Variants in DOCK10 observed in about 807,000 individuals in gnomAD.
DOCK10 encodes the protein dedicator of cytokinesis protein 10.
In DOCK10, 145 loss-of-function variants were observed where a neutral mutation model predicts 280.1. The observed-to-expected ratio is 0.52, with a 90% CI of 0.45 to 0.59. The LOEUF (loss-of-function observed/expected upper bound fraction) is 0.59. DOCK10 is among the 20% of genes least tolerant of loss of function. The probability of loss-of-function intolerance (pLI) is 0.00; values close to 1 mark genes in which losing one functional copy is unlikely to be tolerated. For missense variants in DOCK10, 2,368 were observed against 2,651.7 expected (o/e 0.89, Z 2.35); for synonymous variants, 915 against 942.2 (o/e 0.97, Z 0.53).
chr2:224,940,009 C>G (rs1702932658), intron 1 of DOCK10, among the ~76,000 whole-genome samples: 1 of 152,112 alleles, frequency 6.6e-6, no homozygotes, highest in Admixed American at 6.6e-5. Flanking sequence ...TTCCACATTC[C>G]CATAAGAAGC....
chr2:224,805,528 T>C lies in DOCK10; in HGVS notation c.3816A>G (p.Ala1272=), dbSNP rs1437193991. 1 of 1,612,102 alleles carries C rather than the reference T, an allele frequency of 6.2e-7. No homozygotes were observed. The highest frequency in any genetic ancestry group is 1.1e-5 in the South Asian group (1 of 91,004). Residue 1272 remains alanine (A), a splice_region_variant and synonymous_variant, in exon 35 of 56, where the codon GCA becomes GCG. Coordinates refer to ENST00000258390, the MANE Select transcript of DOCK10 (RefSeq NM_014689.3). The surrounding 1 kb of genome is among the most constrained non-coding windows in gnomAD (Gnocchi z 4.3). ...FSKDVLNSIA[A]FSSIAISTVN... is the part of the protein sequence containing the mutation. ...CTGTAGAAATAGCTATTGATGAAAA[T>C]GCTGTAAACACAAGCCACAGCACAC... is the stretch of plus-strand genomic sequence containing the variant.
In DOCK10 at chr2:224,864,503, C is replaced by T. The variant is rs1238531300; in HGVS notation, c.1602+50G>A. On this transcript the variant is annotated intron_variant, in intron 13 of 55. Transcript: ENST00000258390. ...CCAGCCTGGGTGACAGGGAGAGACT[C>T]TATTAAAAAAAAAAAAGGAAGTGAA... The T allele has an allele frequency of 4.8e-6, 7 of 1,462,292 alleles. No homozygotes were observed. The African/African-American group carries it at 7.2e-5, about 15-fold the overall frequency. The allele number at this position is 1,462,292 out of a possible 1,614,324, so 90.6% of individuals were successfully genotyped here.
At chr2:224,807,860 C>T (rs1454657049) in intron 32 of DOCK10, 51 bp downstream of exon 32, 11 of 1,574,410 alleles carry the variant, frequency 7.0e-6, no homozygotes, top group African/African-American at 4.1e-5. Context: ...GCATTTAATG[C>T]AGTGAGCCAT....
At chr2:224,984,460 C>T (rs2126260755) in intron 1 of DOCK10, among the ~76,000 whole-genome samples, 1 of 152,296 alleles carries the variant, frequency 6.6e-6, no homozygotes, top group African/African-American at 2.4e-5. Context: ...TCCCCTCTGC[C>T]TCTGAGGAAT....
At chr2:224,918,861 C>G (rs62647508) in intron 2 of DOCK10, among the ~76,000 whole-genome samples, 34,229 of 117,986 alleles carry the variant, frequency 0.29, 4,329 homozygotes, top group Admixed American at 0.35. Flanking sequence ...GTGTGTGTGG[C>G]GTGTGTGAGT....
intron 1 of DOCK10, among the ~76,000 whole-genome samples, chr2:224,999,250 CTT>C (rs111619305): frequency 1.7e-5 from 2 of 117,376 alleles, no homozygotes; most frequent in Admixed American, 7.8e-5. Flanking sequence ...GTCTCTCTCT[CTT>C]TTTTTTTTTC....
chr2:224,881,745 G>A (rs1040002448), intron 7 of DOCK10, among the ~76,000 whole-genome samples: 6 of 152,228 alleles, frequency 3.9e-5, no homozygotes, highest in South Asian at 2.1e-4. Context: ...TATTGTTCTC[G>A]GAAGTGAGAT....
In DOCK10 at chr2:224,978,700, A is replaced by C. The variant is rs1426773209; in HGVS notation, c.124-47032T>G. 3.3e-5 allele frequency among the ~76,000 whole-genome samples: 5 copies of C among 152,316 alleles called. No individual in the cohort carries two copies. In the East Asian group the frequency reaches 9.6e-4, roughly 29 times the overall value. On this transcript the variant is annotated intron_variant, in intron 1 of 55. Coordinates refer to ENST00000258390, the MANE Select transcript of DOCK10 (RefSeq NM_014689.3). ...TAGAAGAGAGAAAGATCATTTATCA[A>C]TCGGTTATTGATGTTTACATTGGGC... is the stretch of plus-strand genomic sequence containing the variant.
chr2:224,867,206 C>G (rs1304058633), intron 11 of DOCK10, among the ~76,000 whole-genome samples: 1 of 152,170 alleles, frequency 6.6e-6, no homozygotes, highest in Non-Finnish European at 1.5e-5. Flanking sequence ...AGGGTTCATT[C>G]TAGCCTTTCC....
chr2:224,849,442 G>C (rs769547834), intron 19 of DOCK10, 65 bp downstream of exon 19: 5 of 1,190,790 alleles, frequency 4.2e-6, no homozygotes, highest in Non-Finnish European at 4.9e-6. Flanking sequence ...TTCACTGCAC[G>C]GTTATCTGAA....
At chr2:225,034,708 A>G (rs987057708) in intron 1 of DOCK10, among the ~76,000 whole-genome samples, 2 of 152,188 alleles carry the variant, frequency 1.3e-5, no homozygotes, top group African/African-American at 2.4e-5. Flanking sequence ...TCGCTTTTCA[A>G]TAGCACTTAT....
chr2:224,831,489 C>G (rs1205574526), intron 26 of DOCK10, among the ~76,000 whole-genome samples: 1 of 152,218 alleles, frequency 6.6e-6, no homozygotes, highest in East Asian at 1.9e-4. Context: ...AGGCTCCGTC[C>G]TGCCCCTTGA....
intron 1 of DOCK10, among the ~76,000 whole-genome samples, chr2:225,032,518 A>AT (rs141599312): frequency 0.066 from 10,019 of 152,190 alleles, 397 homozygotes; most frequent in Middle Eastern, 0.12. Flanking sequence ...CTTAAAATAC[A>AT]TTTTTTTCAC....
In DOCK10 at chr2:224,805,234, A is replaced by G. The variant is rs1207311504; in HGVS notation, c.4023T>C (p.Phe1341=). The change falls in exon 36 of 56, where the codon TTT becomes TTC. Residue 1341 remains phenylalanine, a synonymous_variant. Coordinates refer to ENST00000258390, the MANE Select transcript of DOCK10 (RefSeq NM_014689.3). This position sits in a 1 kb window ranked among gnomAD's most constrained non-coding sequence, Gnocchi z 4.3. ...ACGAAATCGTTTTCATAATGTGAAG[A>G]AAACACATCAGGAGACTCCTGGTTT... is the stretch of plus-strand genomic sequence containing the variant. ...QAETRSLLMC[F]LHIMKTISYE... The G allele has an allele frequency of 1.9e-6, 3 of 1,612,284 alleles. No homozygotes were observed. The highest frequency in any genetic ancestry group is 4.5e-5 in the East Asian group (2 of 44,852).
chr2:224,842,946 A>G (rs1696063794), intron 22 of DOCK10, among the ~76,000 whole-genome samples: 1 of 152,204 alleles, frequency 6.6e-6, no homozygotes, highest in Non-Finnish European at 1.5e-5. Flanking sequence ...GGGAACAGGG[A>G]AGGCTTCTTA....
At chr2:224,961,412 C>CTCTT (rs561597716) in intron 1 of DOCK10, among the ~76,000 whole-genome samples, 7,223 of 119,236 alleles carry the variant, frequency 0.061, 304 homozygotes, top group Middle Eastern at 0.11. Flanking sequence ...TTCTTTCTTT[C>CTCTT]TCTTTCTTTC....
intron 40 of DOCK10, among the ~76,000 whole-genome samples, chr2:224,801,387 G>C (rs1241324493): frequency 6.6e-6 from 1 of 151,590 alleles, no homozygotes; most frequent in Non-Finnish European, 1.5e-5. Flanking sequence ...AGTAAGCCAT[G>C]TTATATAGGG....
At chr2:224,852,202 T>C (rs1312753079) in intron 18 of DOCK10, among the ~76,000 whole-genome samples, 175 bp downstream of exon 18, 1 of 152,224 alleles carries the variant, frequency 6.6e-6, no homozygotes, top group Non-Finnish European at 1.5e-5. Context: ...GAGAGGAATT[T>C]CTAATAGATC....
intron 50 of DOCK10, among the ~76,000 whole-genome samples, chr2:224,784,430 C>T (rs941501487): frequency 5.3e-5 from 8 of 152,172 alleles, no homozygotes; most frequent in African/African-American, 1.9e-4. Context: ...ATTTAAGATA[C>T]GTGGTACCCA....
Sources: gnomAD v4.1 joint callset for allele counts (sites outside exome capture counted in the v4.1 genomes callset) on GRCh38, gnomAD v4.1.1 for gene constraint, Gnocchi (gnomAD v3.1) non-coding constraint, MANE v1.5 for transcripts, NCBI Gene and HGNC (gene_info 2026-07-23, HGNC 2026-07-21) for gene names.